The following GNB1 variants were observed in gnomAD, a reference collection of about 807,000 sequenced individuals.
GNB1 encodes the protein guanine nucleotide-binding protein G(I)/G(S)/G(T) subunit beta-1.
Under a neutral mutation model 42.9 loss-of-function variants are expected in GNB1, and 2 were observed. The observed-to-expected ratio is 0.05, with a 90% confidence interval of 0.02 to 0.15. The LOEUF is 0.15. GNB1 is among the 10% of genes least tolerant of loss of function. The pLI is 1.00. For missense variants in GNB1, 193 were observed against 462.2 expected, an observed-to-expected ratio of 0.42 and a Z score of 5.34; for synonymous variants, 183 against 174.7, an observed-to-expected ratio of 1.05 and a Z score of -0.38.
At chr1:1,869,309 C>CA (rs1649122467) in intron 1 of GNB1, among the ~76,000 whole-genome samples, 1 of 151,740 alleles carries the variant, frequency 6.6e-6, no homozygotes, top group South Asian at 2.1e-4. Flanking sequence ...TTCATTATCT[C>CA]AGACACTTAC....
rs1401733291 is a variant in GNB1 at position 1,855,147 on chromosome 1, A to C, written c.-95-15909T>G. ...GCACTCCAGCCTGGGCAACAGAGCA[A>C]GACCGTATCTCAAAAAAAAAAAAAA... On this transcript the variant is annotated intron_variant, in intron 1 of 11. Coordinates refer to ENST00000378609, the MANE Select transcript of GNB1 (RefSeq NM_002074.5). Among the ~76,000 whole-genome samples the C allele has an allele frequency of 2.6e-5, 3 of 113,488 alleles. No individual in the cohort carries two copies. The East Asian group carries it at 7.9e-4, about 30-fold the overall frequency. 74.5% of individuals were successfully genotyped at this position (113,488 alleles called of 152,430 possible).
rs567449721 is a variant in GNB1 at position 1,818,634 on chromosome 1, G to A, written c.58-759C>T. Reference sequence around the variant, plus strand: ...TCCCAGCACTTTGGGAGGCCGAGGTGGGTGGATCACCTGAGGTCAGGAGTT... The same window carrying A: ...TCCCAGCACTTTGGGAGGCCGAGGTAGGTGGATCACCTGAGGTCAGGAGTT... On this transcript the variant is annotated intron_variant, in intron 3 of 11. Transcript: ENST00000378609. Among the ~76,000 whole-genome samples, 21 of 152,050 alleles carry A rather than the reference G, an allele frequency of 1.4e-4. No individual in the cohort carries two copies. In the South Asian group the frequency reaches 4.4e-3, roughly 32 times the overall value.
At chr1:1,811,489 T>C (rs1646778665) in intron 5 of GNB1, among the ~76,000 whole-genome samples, 2 of 151,510 alleles carry the variant, frequency 1.3e-5, no homozygotes, top group Admixed American at 1.3e-4. Flanking sequence ...GGTCATGAGA[T>C]CGAGACCACC....
At chr1:1,841,815 G>GT (rs1443735552) in intron 1 of GNB1, among the ~76,000 whole-genome samples, 1 of 152,110 alleles carries the variant, frequency 6.6e-6, no homozygotes, top group Non-Finnish European at 1.5e-5. Context: ...ATTAAACACA[G>GT]AATTACCCCA....
At chr1:1,865,187 G>A (rs143129086) in intron 1 of GNB1, among the ~76,000 whole-genome samples, 4 of 150,498 alleles carry the variant, frequency 2.7e-5, no homozygotes, top group East Asian at 1.9e-4. Flanking sequence ...GCATGAACCC[G>A]GGAGGCAGAG....
intron 1 of GNB1, among the ~76,000 whole-genome samples, chr1:1,871,906 C>T (rs192725257): frequency 3.3e-5 from 5 of 152,312 alleles, no homozygotes; most frequent in East Asian, 3.9e-4. Context: ...AGCCAAACCA[C>T]GCCATTTCTC....
intron 1 of GNB1, among the ~76,000 whole-genome samples, chr1:1,874,075 G>GT (rs1170362621): frequency 1.3e-5 from 2 of 152,228 alleles, no homozygotes; most frequent in Non-Finnish European, 2.9e-5. Context: ...AGGACAGTCA[G>GT]TGGAACAAAT....
chr1:1,814,543 A>C (rs986695867), intron 5 of GNB1, among the ~76,000 whole-genome samples: 6 of 152,160 alleles, frequency 3.9e-5, no homozygotes, highest in African/African-American at 1.4e-4. Context: ...TCACACCTAT[A>C]ATCTCAGCAC....
At chr1:1,882,421 C>A (rs2101897023) in intron 1 of GNB1, among the ~76,000 whole-genome samples, 10 of 75,608 alleles carry the variant, frequency 1.3e-4, no homozygotes, top group Admixed American at 3.9e-4. Context: ...AGCAAGACTC[C>A]AACTCAAAAA....
At chr1:1,852,023 A>G (rs1025824845) in intron 1 of GNB1, among the ~76,000 whole-genome samples, 1 of 152,120 alleles carries the variant, frequency 6.6e-6, no homozygotes, top group Non-Finnish European at 1.5e-5. Context: ...AGCCTGGGCA[A>G]CAAGAGCGAA....
intron 1 of GNB1, among the ~76,000 whole-genome samples, chr1:1,886,598 TTC>T (rs1238783299): frequency 6.6e-6 from 1 of 152,274 alleles, no homozygotes; most frequent in Non-Finnish European, 1.5e-5. Flanking sequence ...TATCTCCTCA[TTC>T]TGTGTTCCTA....
chr1:1,810,434 G>T (rs968056340), intron 5 of GNB1, among the ~76,000 whole-genome samples: 1 of 151,534 alleles, frequency 6.6e-6, no homozygotes, highest in Admixed American at 6.6e-5. Flanking sequence ...TACTCAGGAG[G>T]CTGAGGCAGG....
chr1:1,798,700 C>T (rs917986141), intron 7 of GNB1, among the ~76,000 whole-genome samples: 1 of 152,166 alleles, frequency 6.6e-6, no homozygotes, highest in African/African-American at 2.4e-5. Context: ...GATCAGAGGG[C>T]TGGAAATAAG....
rs1311366782 is a variant in GNB1 at position 1,878,628 on chromosome 1, AG to A, written c.-96+12191del. On this transcript the variant is annotated intron_variant, in intron 1 of 11. Transcript: ENST00000378609. ...CACACAGCCTTTTCCACTGTCGCAT[AG>A]GTAACATTCCTCTCACCAAGGCAAG... Among the ~76,000 whole-genome samples, 84 of 152,320 alleles carry A rather than the reference AG, an allele frequency of 5.5e-4. No homozygotes were observed. In the East Asian group the frequency reaches 0.015, roughly 28 times the overall value.
At chr1:1,818,614 G>A (rs1570664887) in intron 3 of GNB1, among the ~76,000 whole-genome samples, 2 of 152,264 alleles carry the variant, frequency 1.3e-5, no homozygotes, top group East Asian at 1.9e-4. Flanking sequence ...TATAATCCCA[G>A]CACTTTGGGA....
chr1:1,870,658 C>A (rs1318498397), intron 1 of GNB1, among the ~76,000 whole-genome samples: 2 of 152,182 alleles, frequency 1.3e-5, no homozygotes, highest in African/African-American at 2.4e-5. Context: ...GCCAGTTCAA[C>A]CCATTTCTGA....
intron 1 of GNB1, among the ~76,000 whole-genome samples, chr1:1,855,084 T>C (rs1393135235): frequency 6.6e-6 from 1 of 150,862 alleles, no homozygotes; most frequent in Non-Finnish European, 1.5e-5. Flanking sequence ...GCTTGAACCC[T>C]GGAGGCAAAG....
At chr1:1,829,507 G>A (rs1435068488) in intron 2 of GNB1, among the ~76,000 whole-genome samples, 1 of 152,238 alleles carries the variant, frequency 6.6e-6, no homozygotes, top group Non-Finnish European at 1.5e-5. Context: ...AGGCAGGAGA[G>A]ACGAGAAAAC....
chr1:1,884,733 A>C (rs1473578286), intron 1 of GNB1, among the ~76,000 whole-genome samples: 3 of 150,430 alleles, frequency 2.0e-5, no homozygotes, highest in Non-Finnish European at 4.4e-5. Context: ...CCCAGGCTGG[A>C]GTGCAGTGGC....
Sources: allele counts gnomAD v4.1 joint callset (sites outside exome capture counted in the v4.1 genomes callset), GRCh38; gene constraint gnomAD v4.1.1; transcripts MANE v1.5; gene names NCBI Gene and HGNC (gene_info 2026-07-23, HGNC 2026-07-21).